The following KCND2 variants were observed in gnomAD, a reference collection of about 807,000 sequenced individuals.
The protein encoded by KCND2 is A-type voltage-gated potassium channel KCND2.
Under a neutral mutation model 54.4 loss-of-function variants are expected in KCND2, and 16 were observed. The observed-to-expected ratio is 0.29, with a 90% confidence interval of 0.20 to 0.45. The LOEUF is 0.45. KCND2 is among the 20% of genes least tolerant of loss of function. The pLI is 1.00. For synonymous variants in KCND2, 317 were observed against 310.7 expected, an observed-to-expected ratio of 1.02 and a Z score of -0.21; for missense variants, 486 against 824.2, an observed-to-expected ratio of 0.59 and a Z score of 5.02.
chr7:120,635,595 GA>G, intron 1 of KCND2, among the ~76,000 whole-genome samples: 1 of 152,306 alleles, frequency 6.6e-6, no homozygotes, highest in East Asian at 1.9e-4. Context: ...TAGATACTCT[GA>G]AACACATATG....
chr7:120,337,989 T>C (rs1800176607), intron 1 of KCND2, among the ~76,000 whole-genome samples: 1 of 152,156 alleles, frequency 6.6e-6, no homozygotes, highest in African/African-American at 2.4e-5. Context: ...TTCACAGTGA[T>C]AAAAATTGTC....
chr7:120,636,582 A>G (rs1400054797), intron 1 of KCND2, among the ~76,000 whole-genome samples: 4 of 152,048 alleles, frequency 2.6e-5, no homozygotes, highest in African/African-American at 9.7e-5. Context: ...GTGCTTGCCA[A>G]TATTCCTCTT....
chr7:120,274,256 T>G lies in KCND2; in HGVS notation c.-377T>G, dbSNP rs1174465303. 5.7e-6 allele frequency: 2 copies of G among 352,308 alleles called. No homozygotes were observed. Among genetic ancestry groups the G allele is most frequent in the African/African-American group, 2.1e-5 (1 of 47,896 alleles). The allele number at this position is 352,308 out of a possible 1,614,324, so 21.8% of individuals were successfully genotyped here. A position where few individuals can be genotyped will look rare whatever the true frequency, so the allele number is the denominator to read the frequency against. On this transcript the variant is annotated 5_prime_UTR_variant, in exon 1 of 6. Transcript: ENST00000331113. ...CTTCTCTATCCTACACTCCACATAC[T>G]GACCCTATATTATCCAGACTGTGCC...
chr7:120,600,487 T>C (rs984975282), intron 1 of KCND2, among the ~76,000 whole-genome samples: 8 of 152,052 alleles, frequency 5.3e-5, no homozygotes, highest in Non-Finnish European at 2.9e-5. Context: ...GTATTAGATA[T>C]TTCAGAATGC....
chr7:120,743,347 C>A (rs1037891125), intron 4 of KCND2, among the ~76,000 whole-genome samples: 1 of 152,170 alleles, frequency 6.6e-6, no homozygotes, highest in Non-Finnish European at 1.5e-5. Flanking sequence ...ATTGCCTGTT[C>A]ATGTACTTAT....
rs1223746610 is a variant in KCND2 at position 120,398,016 on chromosome 7, T to C, written c.1115+122269T>C. ...GTGTGTATATATATATATATATATA[T>C]ATATATATATATATATATATATTTG... On this transcript the variant is annotated intron_variant, in intron 1 of 5. Transcript: ENST00000331113. Among the ~76,000 whole-genome samples the C allele has an allele frequency of 6.0e-5, 8 of 132,852 alleles. 1 individual carries two copies. The highest frequency in any genetic ancestry group is 2.6e-4 in the African/African-American group (8 of 30,576). The allele number at this position is 132,852 out of a possible 152,430, so 87.2% of individuals were successfully genotyped here. A position where few individuals can be genotyped will look rare whatever the true frequency, so the allele number is the denominator to read the frequency against.
chr7:120,532,352 G>A (rs1327029567), intron 1 of KCND2, among the ~76,000 whole-genome samples: 3 of 151,678 alleles, frequency 2.0e-5, no homozygotes, highest in Non-Finnish European at 4.4e-5. Flanking sequence ...TAAACCTATA[G>A]TTTATTTTTA....
At chr7:120,381,927 T>G in intron 1 of KCND2, among the ~76,000 whole-genome samples, 1 of 150,768 alleles carries the variant, frequency 6.6e-6, no homozygotes, top group Non-Finnish European at 1.5e-5. Flanking sequence ...CAAAAAATGA[T>G]AAAATTCAAA....
intron 1 of KCND2, among the ~76,000 whole-genome samples, chr7:120,306,253 A>G (rs945176095): frequency 1.3e-5 from 2 of 152,096 alleles, no homozygotes; most frequent in African/African-American, 2.4e-5. Context: ...CAAAGTTTTT[A>G]GATCTTTTAT....
At chr7:120,692,413 C>A (rs1792281028) in intron 1 of KCND2, among the ~76,000 whole-genome samples, 1 of 152,094 alleles carries the variant, frequency 6.6e-6, no homozygotes, top group Non-Finnish European at 1.5e-5. Flanking sequence ...TTTTCTCCTG[C>A]AAGTTTGTCC....
intron 1 of KCND2, among the ~76,000 whole-genome samples, chr7:120,515,442 G>A (rs1249561229): frequency 6.6e-6 from 1 of 152,144 alleles, no homozygotes. Flanking sequence ...AGGTTAAAGG[G>A]AAAGAGGAGA....
intron 1 of KCND2, among the ~76,000 whole-genome samples, chr7:120,357,296 T>C (rs1017504373): frequency 6.6e-6 from 1 of 152,104 alleles, no homozygotes; most frequent in African/African-American, 2.4e-5. Context: ...CAGTTACTAA[T>C]TGAAGGAGCC....
intron 1 of KCND2, among the ~76,000 whole-genome samples, chr7:120,574,342 T>G (rs1397232011): frequency 6.6e-6 from 1 of 152,192 alleles, no homozygotes; most frequent in Non-Finnish European, 1.5e-5. Flanking sequence ...CAGCCAAGCC[T>G]TGGATATCAT....
intron 1 of KCND2, among the ~76,000 whole-genome samples, chr7:120,452,591 G>T (rs983218689): frequency 2.6e-5 from 4 of 152,198 alleles, no homozygotes; most frequent in African/African-American, 9.6e-5. Flanking sequence ...TCCTGGGGAA[G>T]AAGTGAATTT....
chr7:120,276,125 T>C (rs1387857448), intron 1 of KCND2, among the ~76,000 whole-genome samples: 1 of 152,104 alleles, frequency 6.6e-6, no homozygotes, highest in Admixed American at 6.5e-5. Context: ...TATAAAGTGG[T>C]TCAATGCATT....
chr7:120,718,539 TG>T (rs374722837), intron 1 of KCND2, among the ~76,000 whole-genome samples: 164 of 152,292 alleles, frequency 1.1e-3, no homozygotes, highest in African/African-American at 3.8e-3. Context: ...GGCTTGTTTT[TG>T]CATGACAAAA....
chr7:120,533,150 TC>T (rs1413512813), intron 1 of KCND2, among the ~76,000 whole-genome samples: 2 of 152,120 alleles, frequency 1.3e-5, no homozygotes, highest in Non-Finnish European at 2.9e-5. Flanking sequence ...ACAGATTATT[TC>T]ACCTTAAATT....
chr7:120,518,196 A>G (rs943177741), intron 1 of KCND2, among the ~76,000 whole-genome samples: 1 of 152,132 alleles, frequency 6.6e-6, no homozygotes, highest in South Asian at 2.1e-4. Context: ...TATGATCAGA[A>G]TGTATTATTA....
Position 120,749,648 on chromosome 7 carries a change from C to G in KCND2, c.*1790C>G, listed in dbSNP as rs934076621. ...TTCTAGAATAGTTTCTAGAACAGTG[C>G]TATGCACATATTAGATCTTAATAAA... is the stretch of plus-strand genomic sequence containing the variant. On this transcript the variant is annotated 3_prime_UTR_variant, in exon 6 of 6. Coordinates refer to ENST00000331113, the MANE Select transcript of KCND2 (RefSeq NM_012281.3). The G allele has an allele frequency of 6.6e-6, 1 of 152,284 alleles. No homozygotes were observed. The highest frequency in any genetic ancestry group is 1.5e-5 in the Non-Finnish European group (1 of 67,810). 9.4% of individuals were successfully genotyped at this position (152,284 alleles called of 1,614,324 possible). A position where few individuals can be genotyped will look rare whatever the true frequency, so the allele number is the denominator to read the frequency against.
Sources: gnomAD v4.1 joint callset for allele counts (sites outside exome capture counted in the v4.1 genomes callset) on GRCh38, gnomAD v4.1.1 for gene constraint, MANE v1.5 for transcripts, NCBI Gene and HGNC (gene_info 2026-07-23, HGNC 2026-07-21) for gene names.